GJA1: variants seen among roughly 807,000 people sequenced by gnomAD.
GJA1 encodes the protein gap junction protein alpha 1.
A neutral mutation model predicts 31.0 loss-of-function variants in GJA1; 9 were observed. The observed-to-expected ratio is 0.29, with a 90% CI of 0.17 to 0.51. GJA1 has a LOEUF of 0.51. Ranked by LOEUF, GJA1 falls within the 20% of genes least tolerant of loss-of-function variation. The probability of loss-of-function intolerance (pLI) is 0.98; values close to 1 mark genes in which losing one functional copy is unlikely to be tolerated. For synonymous variants in GJA1, 186 were observed against 180.1 expected (o/e 1.03, Z -0.26); for missense variants, 278 against 468.8 (o/e 0.59, Z 3.76).
In GJA1 at chr6:121,447,672, C is replaced by T. The variant is rs777305726; in HGVS notation, c.825C>T (p.Thr275=). Residue 275 remains threonine (T), a synonymous_variant, in exon 2 of 2, where the codon ACC becomes ACT. Transcript: ENST00000282561. ...ATTTCAATGGCTGCTCCTCACCAACCGCTCCCCTCTCGCCTATGTCTCCTC... is the reference window on the plus strand; with the variant it reads ...ATTTCAATGGCTGCTCCTCACCAACTGCTCCCCTCTCGCCTATGTCTCCTC... ...YAYFNGCSSP[T]APLSPMSPPG... 1.3e-4 allele frequency: 204 copies of T among 1,613,870 alleles called. No individual in the cohort carries two copies. The highest frequency in any genetic ancestry group is 1.6e-4 in the Non-Finnish European group (183 of 1,179,950).
chr6:121,445,898 G>T (rs554446904), intron 1 of GJA1, among the ~76,000 whole-genome samples: 2 of 151,898 alleles, frequency 1.3e-5, no homozygotes, highest in African/African-American at 2.4e-5. Context: ...TGAGCCCAGG[G>T]GCCTGGGCAA....
At chr6:121,437,093 GCGCGGGGCGCC>G (rs754037994) in intron 1 of GJA1, among the ~76,000 whole-genome samples, 3 of 152,224 alleles carry the variant, frequency 2.0e-5, no homozygotes, top group African/African-American at 4.8e-5. Flanking sequence ...GGCCGGACGG[GCGCGGGGCGCC>G]TCCTGCCATC....
Position 121,446,949 on chromosome 6 carries a change from C to T in GJA1, c.102C>T (p.Ile34=), listed in dbSNP as rs1773899027. ...TGTCAGTACTTTTCATTTTCCGAAT[C>T]CTGCTGCTGGGGACAGCGGTTGAGT... ...VWLSVLFIFR[I]LLLGTAVESA... The change falls in exon 2 of 2, where the codon ATC becomes ATT. Residue 34 remains isoleucine, a synonymous_variant. Transcript: ENST00000282561. 3 of 1,613,906 alleles carry T rather than the reference C, an allele frequency of 1.9e-6. No individual in the cohort carries two copies.
In GJA1 at chr6:121,447,110, C is replaced by A; in HGVS notation, c.263C>A (p.Pro88His). The change falls in exon 2 of 2, where the codon CCC becomes CAC. Residue 88 changes from proline to histidine, a missense_variant. By Grantham distance (77) the Pro-to-His change is moderately conservative (BLOSUM62 -2). Around this residue, in one of 3 missense-constraint regions of GJA1, gnomAD observed 26 missense variants for 114.4 expected, o/e 0.23. Coordinates refer to ENST00000282561, the MANE Select transcript of GJA1 (RefSeq NM_000165.5). ...CTGCAGATCATATTTGTGTCTGTAC[C>A]CACACTCTTGTACCTGGCTCATGTG... ...WVLQIIFVSV[P>H]TLLYLAHVFY... The A allele has an allele frequency of 1.2e-6, 2 of 1,613,872 alleles. No homozygotes were observed. Among genetic ancestry groups the A allele is most frequent in the Non-Finnish European group, 1.7e-6 (2 of 1,179,874 alleles).
intron 1 of GJA1, among the ~76,000 whole-genome samples, chr6:121,438,139 A>G (rs890561814): frequency 7.2e-5 from 11 of 152,182 alleles, no homozygotes; most frequent in Non-Finnish European, 1.5e-4. Flanking sequence ...TGTTGATTCT[A>G]TATTATTAGA....
intron 1 of GJA1, among the ~76,000 whole-genome samples, chr6:121,439,944 C>T (rs2114272997): frequency 6.6e-6 from 1 of 152,270 alleles, no homozygotes; most frequent in Non-Finnish European, 1.5e-5. Flanking sequence ...GGAATCTTTT[C>T]CATGGTACTT....
chr6:121,440,754 T>G (rs1170552508), intron 1 of GJA1, among the ~76,000 whole-genome samples: 14 of 152,128 alleles, frequency 9.2e-5, no homozygotes, highest in Non-Finnish European at 2.1e-4. Context: ...TTTCTTTTCT[T>G]TTTTTGAGAC....
At chr6:121,441,254 C>T (rs1773776044) in intron 1 of GJA1, among the ~76,000 whole-genome samples, 1 of 151,822 alleles carries the variant, frequency 6.6e-6, no homozygotes, top group Admixed American at 6.6e-5. Context: ...ACCCGGTCTA[C>T]TTTTTTGTGT....
At position 121,447,816 on chromosome 6, in the gene GJA1, G is replaced by A. The variant is rs764435531; in HGVS notation, c.969G>A (p.Ala323=). Residue 323 remains alanine (A), a synonymous_variant, in exon 2 of 2, where the codon GCG becomes GCA. Coordinates refer to ENST00000282561, the MANE Select transcript of GJA1 (RefSeq NM_000165.5). ...CAGAACAAAATCGAATGGGGCAGGCGGGAAGCACCATCTCTAACTCCCATG... is the reference window on the plus strand; with the variant it reads ...CAGAACAAAATCGAATGGGGCAGGCAGGAAGCACCATCTCTAACTCCCATG... The part of the protein sequence containing the change: ...YSAEQNRMGQ[A]GSTISNSHAQ... The A allele has an allele frequency of 6.8e-6, 11 of 1,613,852 alleles. No individual in the cohort carries two copies. Among genetic ancestry groups the A allele is most frequent in the African/African-American group, 2.7e-5 (2 of 75,002 alleles).
At chr6:121,437,216 G>A (rs1438045931) in intron 1 of GJA1, among the ~76,000 whole-genome samples, 2 of 152,154 alleles carry the variant, frequency 1.3e-5, no homozygotes, top group African/African-American at 2.4e-5. Context: ...ACTCAGGTCC[G>A]AGTTCGTCAC....
At chr6:121,442,587 A>G (rs1367795298) in intron 1 of GJA1, among the ~76,000 whole-genome samples, 2 of 152,198 alleles carry the variant, frequency 1.3e-5, no homozygotes. Flanking sequence ...AATATTTTGA[A>G]CAAGAAAGGG....
intron 1 of GJA1, among the ~76,000 whole-genome samples, chr6:121,437,841 A>G (rs372838588): frequency 1.4e-4 from 21 of 152,310 alleles, no homozygotes; most frequent in East Asian, 1.3e-3. Flanking sequence ...TAACGACAAG[A>G]AAGATACTGA....
intron 1 of GJA1, among the ~76,000 whole-genome samples, chr6:121,438,706 AG>A: frequency 6.6e-6 from 1 of 152,322 alleles, no homozygotes; most frequent in Non-Finnish European, 1.5e-5. Flanking sequence ...GGAGAGAAAA[AG>A]TAATTATCTA....
At chr6:121,437,423 A>T (rs1298548992) in intron 1 of GJA1, among the ~76,000 whole-genome samples, 2 of 151,534 alleles carry the variant, frequency 1.3e-5, no homozygotes, top group African/African-American at 4.9e-5. Context: ...TTGGTAAGAA[A>T]ACCTGAATAC....
At chr6:121,444,711 C>T (rs967504469) in intron 1 of GJA1, among the ~76,000 whole-genome samples, 1 of 152,200 alleles carries the variant, frequency 6.6e-6, no homozygotes, top group African/African-American at 2.4e-5. Flanking sequence ...CCTTTAGATA[C>T]TCTATTTAGA....
chr6:121,441,379 T>G (rs1773778463), intron 1 of GJA1, among the ~76,000 whole-genome samples: 1 of 151,998 alleles, frequency 6.6e-6, no homozygotes, highest in Non-Finnish European at 1.5e-5. Flanking sequence ...GTGAGCCACA[T>G]CTCTTACTCT....
At position 121,449,163 on chromosome 6, in the gene GJA1, C is replaced by T. The variant is rs1208383596; in HGVS notation, c.*1167C>T. The T allele has an allele frequency of 6.0e-6, 1 of 166,924 alleles. No homozygotes were observed. The highest frequency in any genetic ancestry group is 1.5e-5 in the Non-Finnish European group (1 of 68,106). 10.3% of individuals were successfully genotyped at this position (166,924 alleles called of 1,614,324 possible). On this transcript the variant is annotated 3_prime_UTR_variant, in exon 2 of 2. Coordinates refer to ENST00000282561, the MANE Select transcript of GJA1 (RefSeq NM_000165.5). The stretch of plus-strand genomic sequence containing the variant: ...TTTTTCTGAAATGTAATCATTGATG[C>T]TTGAATGATAGAATTTTAGTACTGT...
At chr6:121,445,461 C>G (rs1212251592) in intron 1 of GJA1, among the ~76,000 whole-genome samples, 2 of 152,166 alleles carry the variant, frequency 1.3e-5, no homozygotes, top group East Asian at 3.9e-4. Context: ...AGATCTTTTT[C>G]TTATCCTCAG....
rs55796648 is a variant in GJA1 at position 121,447,615 on chromosome 6, T to C, written c.768T>C (p.Pro256=). Residue 256 remains proline, a synonymous_variant, in exon 2 of 2, where the codon CCT becomes CCC. Transcript: ENST00000282561. ...PYHATSGALS[P]AKDCGSQKYA... is the part of the protein sequence containing the mutation. ...ATGCGACCAGTGGTGCGCTGAGCCC[T>C]GCCAAAGACTGTGGGTCTCAAAAAT... The C allele has an allele frequency of 6.2e-7, 1 of 1,613,990 alleles. No homozygotes were observed. Among genetic ancestry groups the C allele is most frequent in the East Asian group, 2.2e-5 (1 of 44,862 alleles).
Sources: allele counts gnomAD v4.1 joint callset (sites outside exome capture counted in the v4.1 genomes callset), GRCh38; gene constraint gnomAD v4.1.1; regional missense constraint gnomAD v4.1.1; transcripts MANE v1.5; gene names NCBI Gene and HGNC (gene_info 2026-07-23, HGNC 2026-07-21).